Variants in CBFA2T2 observed in about 807,000 individuals in gnomAD.
CBFA2T2 encodes the protein CBFA2/RUNX1 partner transcriptional co-repressor 2, also known as protein CBFA2T2.
Under a neutral mutation model 62.2 loss-of-function variants are expected in CBFA2T2, and 11 were observed. The observed-to-expected ratio is 0.18, with a 90% CI of 0.11 to 0.29. CBFA2T2 has a LOEUF of 0.29. Ranked by LOEUF, CBFA2T2 falls within the 10% of genes least tolerant of loss-of-function variation. The pLI is 1.00. For synonymous variants in CBFA2T2, 295 were observed against 287.5 expected (o/e 1.03, Z -0.27); for missense variants, 592 against 774.1 (o/e 0.76, Z 2.79).
At chr20:33,514,452 G>A (rs568071138) in intron 1 of CBFA2T2, among the ~76,000 whole-genome samples, 91 of 151,792 alleles carry the variant, frequency 6.0e-4, no homozygotes, top group Non-Finnish European at 1.1e-3. Flanking sequence ...AGGTAATAGC[G>A]GGTGTTGAGG....
chr20:33,511,512 A>G (rs2011511602), intron 1 of CBFA2T2, among the ~76,000 whole-genome samples: 1 of 152,160 alleles, frequency 6.6e-6, no homozygotes, highest in African/African-American at 2.4e-5. Flanking sequence ...TTTTGGTACC[A>G]GTACCATGCT....
At chr20:33,596,694 A>T (rs534643548) in intron 1 of CBFA2T2, among the ~76,000 whole-genome samples, 1 of 152,146 alleles carries the variant, frequency 6.6e-6, no homozygotes, top group Admixed American at 6.6e-5. Flanking sequence ...AAAATATTTC[A>T]TCACAACTTC....
At chr20:33,501,475 A>T (rs1436068841) in intron 1 of CBFA2T2, among the ~76,000 whole-genome samples, 1 of 152,122 alleles carries the variant, frequency 6.6e-6, no homozygotes, top group East Asian at 1.9e-4. Context: ...AGTAGCTGAG[A>T]TTAGGGAAAT....
intron 1 of CBFA2T2, among the ~76,000 whole-genome samples, chr20:33,575,923 G>A (rs1294126982): frequency 2.7e-5 from 4 of 150,866 alleles, no homozygotes; most frequent in Non-Finnish European, 5.9e-5. Context: ...GACTACAGGC[G>A]CCAGCCACCA....
intron 9 of CBFA2T2, chr20:33,639,554 A>G (rs1038231585): frequency 6.6e-6 from 1 of 151,944 alleles, no homozygotes; most frequent in African/African-American, 2.4e-5. Context: ...AGCCTGGGCA[A>G]CAGAGCGGGA....
chr20:33,595,432 G>C (rs1315760441), intron 1 of CBFA2T2, among the ~76,000 whole-genome samples: 1 of 152,114 alleles, frequency 6.6e-6, no homozygotes. Flanking sequence ...GGATGGTCTC[G>C]ATCTCTTGAC....
chr20:33,622,071 G>T (rs1233319405), intron 4 of CBFA2T2, among the ~76,000 whole-genome samples: 1 of 152,154 alleles, frequency 6.6e-6, no homozygotes, highest in Non-Finnish European at 1.5e-5. Flanking sequence ...CTGACATGGT[G>T]TTTTTTTCAA....
chr20:33,628,623 C>G (rs1055013575), intron 7 of CBFA2T2, among the ~76,000 whole-genome samples, 188 bp downstream of exon 7: 1 of 152,144 alleles, frequency 6.6e-6, no homozygotes, highest in African/African-American at 2.4e-5. Flanking sequence ...TGTACGCCAC[C>G]GTGCCTGGCT....
chr20:33,641,184 C>T (rs1009901354), intron 10 of CBFA2T2, among the ~76,000 whole-genome samples: 2 of 152,116 alleles, frequency 1.3e-5, no homozygotes, highest in African/African-American at 4.8e-5. Context: ...AGGTGCCTGC[C>T]ACCACACCCG....
intron 1 of CBFA2T2, among the ~76,000 whole-genome samples, chr20:33,536,455 G>T (rs1193201587): frequency 6.7e-6 from 1 of 149,724 alleles, no homozygotes; most frequent in African/African-American, 2.5e-5. Flanking sequence ...TCCCGGACGG[G>T]GCGGCTGGCC....
In CBFA2T2 at chr20:33,537,235, G is replaced by A. The variant is rs545104796; in HGVS notation, c.34+46934G>A. Among the ~76,000 whole-genome samples the A allele has an allele frequency of 9.2e-5, 14 of 152,372 alleles. No individual in the cohort carries two copies. In the East Asian group the frequency reaches 1.2e-3, roughly 13 times the overall value. ...TGAACCAGACTCCGTCTGCAATCCC[G>A]GCACCTCGCGAGGCCGAGGCTGGCG... On this transcript the variant is annotated intron_variant, in intron 1 of 10. Coordinates refer to ENST00000342704, the MANE Select transcript of CBFA2T2 (RefSeq NM_001032999.3).
At chr20:33,504,233 CAT>C (rs2011360492) in intron 1 of CBFA2T2, among the ~76,000 whole-genome samples, 5 of 151,898 alleles carry the variant, frequency 3.3e-5, no homozygotes, top group Admixed American at 3.3e-4. Flanking sequence ...TGTTGAGTAA[CAT>C]GTTATGTTCA....
At chr20:33,571,627 C>T (rs959466377) in intron 1 of CBFA2T2, among the ~76,000 whole-genome samples, 2 of 152,152 alleles carry the variant, frequency 1.3e-5, no homozygotes, top group African/African-American at 2.4e-5. Context: ...TTTCGATTTA[C>T]CAATATATTT....
At chr20:33,617,370 GAAAC>G (rs1196262451) in intron 3 of CBFA2T2, among the ~76,000 whole-genome samples, 2 of 152,208 alleles carry the variant, frequency 1.3e-5, no homozygotes, top group African/African-American at 4.8e-5. Flanking sequence ...TTGAGGGGAA[GAAAC>G]AAACAATTAT....
chr20:33,642,093 C>T (rs1041981247), intron 10 of CBFA2T2, among the ~76,000 whole-genome samples: 1 of 148,644 alleles, frequency 6.7e-6, no homozygotes, highest in Non-Finnish European at 1.5e-5. Context: ...TCGTTCTCTC[C>T]TCCTCCTTTG....
chr20:33,564,912 G>GTTTTC (rs566454470), intron 1 of CBFA2T2, among the ~76,000 whole-genome samples: 9 of 151,922 alleles, frequency 5.9e-5, no homozygotes, highest in African/African-American at 9.6e-5. Context: ...CTTTTCCCAA[G>GTTTTC]TTTTCTTTTC....
intron 1 of CBFA2T2, among the ~76,000 whole-genome samples, chr20:33,511,019 T>A (rs1252176681): frequency 1.3e-5 from 2 of 152,230 alleles, no homozygotes; most frequent in Non-Finnish European, 2.9e-5. Context: ...AAGTTCTTTG[T>A]AGATTCTGGA....
intron 1 of CBFA2T2, among the ~76,000 whole-genome samples, chr20:33,507,471 A>G (rs2011423576): frequency 6.6e-6 from 1 of 152,194 alleles, no homozygotes; most frequent in Non-Finnish European, 1.5e-5. Context: ...CAACATAAAA[A>G]AATAATTTTT....
At chr20:33,620,655 TGTG>T (rs1355627569) in intron 4 of CBFA2T2, among the ~76,000 whole-genome samples, 1 of 152,060 alleles carries the variant, frequency 6.6e-6, no homozygotes, top group Non-Finnish European at 1.5e-5. Context: ...GCCTGACTAA[TGTG>T]GTGAAACCCT....
Sources: gnomAD v4.1 joint callset for allele counts (sites outside exome capture counted in the v4.1 genomes callset) on GRCh38, gnomAD v4.1.1 for gene constraint, MANE v1.5 for transcripts, NCBI Gene and HGNC (gene_info 2026-07-23, HGNC 2026-07-21) for gene names.